Variants in SLIT1 observed in about 807,000 individuals in gnomAD.
The protein encoded by SLIT1 is slit homolog 1 protein.
In SLIT1, 66 loss-of-function variants were observed where a neutral mutation model predicts 186.1. The ratio of observed to expected loss-of-function variants is 0.35; its 90% CI spans 0.29 to 0.44. SLIT1 has a LOEUF of 0.44. SLIT1 is among the 20% of genes least tolerant of loss of function. The pLI is 1.00. For synonymous variants in SLIT1, 761 were observed against 833.8 expected, an observed-to-expected ratio of 0.91 and a Z score of 1.50; for missense variants, 1,638 against 2,037.4, an observed-to-expected ratio of 0.80 and a Z score of 3.77.
chr10:97,088,019 G>A (rs116306789), intron 4 of SLIT1, among the ~76,000 whole-genome samples: 2,681 of 151,920 alleles, frequency 0.018, 87 homozygotes, highest in African/African-American at 0.061. Context: ...GCGTGCATTC[G>A]AGTGGCACAG....
intron 26 of SLIT1, among the ~76,000 whole-genome samples, chr10:97,019,629 C>G (rs1185364590): frequency 6.6e-6 from 1 of 152,156 alleles, no homozygotes; most frequent in Non-Finnish European, 1.5e-5. Flanking sequence ...GGGTTGTTAC[C>G]CTCCATGCCT....
At chr10:97,029,964 T>C (rs939406070) in intron 25 of SLIT1, among the ~76,000 whole-genome samples, 2 of 152,232 alleles carry the variant, frequency 1.3e-5, no homozygotes, top group Admixed American at 6.5e-5. Context: ...CATCGGAACT[T>C]CATCATTTTT....
At position 97,040,416 on chromosome 10, in the gene SLIT1, C is replaced by T. The variant is rs181349657; in HGVS notation, c.2165-296G>A. 1.2e-3 allele frequency among the ~76,000 whole-genome samples: 187 copies of T among 152,236 alleles called. 2 individuals are homozygous for T. Among genetic ancestry groups the T allele is most frequent in the African/African-American group, 4.0e-3 (166 of 41,534 alleles). ...GGATGGCCGCGCACCATCCCATCCC[C>T]GGAGTGCCTGCTACTCCGGGCACTG... On this transcript the variant is annotated intron_variant, in intron 20 of 36. Coordinates refer to ENST00000266058, the MANE Select transcript of SLIT1 (RefSeq NM_003061.3).
At chr10:97,057,358 G>T in intron 11 of SLIT1, 77 bp from the exon 12 acceptor site, 2 of 1,122,800 alleles carry the variant, frequency 1.8e-6, no homozygotes, top group Non-Finnish European at 2.7e-6. Flanking sequence ...GACGGCCCCA[G>T]CTCAACAGCG....
intron 4 of SLIT1, among the ~76,000 whole-genome samples, chr10:97,118,689 G>A (rs1849530772): frequency 6.6e-6 from 1 of 152,074 alleles, no homozygotes; most frequent in Non-Finnish European, 1.5e-5. Flanking sequence ...AAGACATACC[G>A]AATGATTCAA....
At chr10:97,164,586 G>A (rs1210821741) in intron 2 of SLIT1, among the ~76,000 whole-genome samples, 2 of 152,168 alleles carry the variant, frequency 1.3e-5, no homozygotes, top group African/African-American at 4.8e-5. Context: ...AAAGAACTGA[G>A]GTCCTAAGAC....
At chr10:97,170,678 T>A (rs191254252) in intron 1 of SLIT1, among the ~76,000 whole-genome samples, 26 of 152,226 alleles carry the variant, frequency 1.7e-4, no homozygotes, top group African/African-American at 6.3e-4. Flanking sequence ...GGCCCTGATT[T>A]CCCTCCATTC....
chr10:97,142,085 G>A (rs891181238), intron 4 of SLIT1, among the ~76,000 whole-genome samples: 2 of 152,200 alleles, frequency 1.3e-5, no homozygotes, highest in Middle Eastern at 3.4e-3. Context: ...TTACAGGCAT[G>A]AGACACCATG....
intron 30 of SLIT1, among the ~76,000 whole-genome samples, chr10:97,012,573 C>G (rs1848421383): frequency 6.6e-6 from 1 of 152,196 alleles, no homozygotes; most frequent in East Asian, 1.9e-4. Context: ...ACGTGCAGTC[C>G]TGCCTTATTC....
Position 97,056,447 on chromosome 10 carries a change from T to C in SLIT1, c.1175A>G (p.Lys392Arg), listed in dbSNP as rs1481757029. 8 of 1,614,178 alleles carry C rather than the reference T, an allele frequency of 5.0e-6. No individual in the cohort carries two copies. The highest frequency in any genetic ancestry group is 6.8e-6 in the Non-Finnish European group (8 of 1,179,998). The change falls in exon 13 of 37, where the codon AAG (lysine) becomes AGG (arginine). Residue 392 changes from lysine (K) to arginine (R), a missense_variant. This residue lies in a region of SLIT1 where 1,245 missense variants were observed against 1,535.3 expected (regional missense o/e 0.81). Coordinates refer to ENST00000266058, the MANE Select transcript of SLIT1 (RefSeq NM_003061.3). ...TLQLLLLNAN[K>R]INCIRPDAFQ... ...GGCATCGGGCCGGATGCAGTTGATC[T>C]TGTTGGCATTCAGGAGCCTGTGGGC...
chr10:97,022,668 C>A lies in SLIT1; in HGVS notation c.2583-1255G>T, dbSNP rs1848511840. On this transcript the variant is annotated intron_variant, in intron 25 of 36. Transcript: ENST00000266058. This position sits in a 1 kb window ranked among gnomAD's most constrained non-coding sequence, Gnocchi z 4.2. ...CTATTTGTAATGGAAAGACTGGAAA[C>A]CCCATGTTCATCAATGGGGAGTGGT... Among the ~76,000 whole-genome samples, 1 of 152,284 alleles carries A rather than the reference C, an allele frequency of 6.6e-6. No individual in the cohort carries two copies. Among genetic ancestry groups the A allele is most frequent in the South Asian group, 2.1e-4 (1 of 4,820 alleles).
intron 1 of SLIT1, among the ~76,000 whole-genome samples, chr10:97,176,425 G>C (rs1850257011): frequency 6.6e-6 from 1 of 151,718 alleles, no homozygotes. Flanking sequence ...AAGACCCCTG[G>C]CTCCCTCCTT....
rs1439361149 is a variant in SLIT1 at position 97,184,475 on chromosome 10, C to T, written c.197+1003G>A. 4.6e-5 allele frequency among the ~76,000 whole-genome samples: 7 copies of T among 152,120 alleles called. No homozygotes were observed. Among genetic ancestry groups the T allele is most frequent in the Non-Finnish European group, 1.0e-4 (7 of 68,028 alleles). On this transcript the variant is annotated intron_variant, in intron 1 of 36. Coordinates refer to ENST00000266058, the MANE Select transcript of SLIT1 (RefSeq NM_003061.3). This position sits in a 1 kb window ranked among gnomAD's most constrained non-coding sequence, Gnocchi z 4.4. ...TTACGGGGACTCTCATGGCCTCACG[C>T]TATTAAGGTGGCCCCTTAATACTAG...
chr10:97,014,547 A>C (rs191448388), intron 28 of SLIT1, among the ~76,000 whole-genome samples: 1 of 152,266 alleles, frequency 6.6e-6, no homozygotes, highest in East Asian at 1.9e-4. Flanking sequence ...AATGGGAGGA[A>C]GGTGACTGGG....
At chr10:97,105,783 G>A (rs558861919) in intron 4 of SLIT1, among the ~76,000 whole-genome samples, 2 of 148,884 alleles carry the variant, frequency 1.3e-5, no homozygotes, top group South Asian at 2.1e-4. Flanking sequence ...GGAGGCCACA[G>A]GTAACAACAT....
chr10:97,170,492 C>A (rs535152582), intron 1 of SLIT1, among the ~76,000 whole-genome samples: 1 of 152,220 alleles, frequency 6.6e-6, no homozygotes, highest in African/African-American at 2.4e-5. Flanking sequence ...CAGCTCCAGC[C>A]GGTGCTGGAC....
intron 13 of SLIT1, among the ~76,000 whole-genome samples, chr10:97,050,582 G>C (rs752753109): frequency 1.8e-4 from 28 of 152,194 alleles, no homozygotes; most frequent in African/African-American, 5.1e-4. Flanking sequence ...TGCACAGAGA[G>C]GATGTGTTTG....
chr10:97,086,341 G>A (rs749968376), intron 4 of SLIT1, among the ~76,000 whole-genome samples: 27 of 152,038 alleles, frequency 1.8e-4, no homozygotes, highest in Non-Finnish European at 3.2e-4. Flanking sequence ...AGGCTGAGGC[G>A]GGTGGATCAC....
intron 1 of SLIT1, among the ~76,000 whole-genome samples, chr10:97,174,124 C>T (rs570822544): frequency 6.6e-6 from 1 of 152,310 alleles, no homozygotes; most frequent in Admixed American, 6.5e-5. Flanking sequence ...AACCAGCTTC[C>T]CCAGGTGCCC....
Sources: allele counts gnomAD v4.1 joint callset (sites outside exome capture counted in the v4.1 genomes callset), GRCh38; gene constraint gnomAD v4.1.1; regional missense constraint gnomAD v4.1.1; non-coding constraint Gnocchi (gnomAD v3.1); transcripts MANE v1.5; gene names NCBI Gene and HGNC (gene_info 2026-07-23, HGNC 2026-07-21).